MITF: variants seen among roughly 807,000 people sequenced by gnomAD.
MITF encodes the protein melanocyte inducing transcription factor, also known as microphthalmia-associated transcription factor.
Under a neutral mutation model 60.5 loss-of-function variants are expected in MITF, and 17 were observed. That is an observed-to-expected ratio of 0.28 (90% CI 0.19 to 0.42). The LOEUF is 0.42. Among genes scored for constraint, MITF ranks in the 10% least tolerant of loss-of-function variants. The probability of loss-of-function intolerance (pLI) is 1.00; values close to 1 mark genes in which losing one functional copy is unlikely to be tolerated. For synonymous variants in MITF, 260 were observed against 248.5 expected, an observed-to-expected ratio of 1.05 and a Z score of -0.43; for missense variants, 622 against 683.5, an observed-to-expected ratio of 0.91 and a Z score of 1.00.
intron 1 of MITF, among the ~76,000 whole-genome samples, chr3:69,766,435 C>T (rs1282045384): frequency 7.0e-6 from 1 of 143,636 alleles, no homozygotes; most frequent in Non-Finnish European, 1.5e-5. Flanking sequence ...CCATGTTGGC[C>T]AGGCTGGTCT....
intron 2 of MITF, among the ~76,000 whole-genome samples, chr3:69,933,960 C>A (rs1396448045): frequency 1.3e-5 from 2 of 152,094 alleles, no homozygotes; most frequent in African/African-American, 2.4e-5. Context: ...TGTCAAAGGG[C>A]TATAGAGCCT....
At chr3:69,767,795 T>C (rs2062323969) in intron 1 of MITF, among the ~76,000 whole-genome samples, 2 of 151,970 alleles carry the variant, frequency 1.3e-5, no homozygotes, top group Admixed American at 1.3e-4. Flanking sequence ...AAGAATGGGT[T>C]GGAGGGTGGC....
intron 1 of MITF, among the ~76,000 whole-genome samples, chr3:69,749,168 T>C (rs532915804): frequency 6.6e-6 from 1 of 152,316 alleles, no homozygotes; most frequent in African/African-American, 2.4e-5. Flanking sequence ...GAGAACCTCA[T>C]TGAGATGTAG....
At chr3:69,769,679 C>T (rs1202430886) in intron 1 of MITF, 1 of 152,232 alleles carries the variant, frequency 6.6e-6, no homozygotes, top group Non-Finnish European at 1.5e-5. Context: ...CTCACCAGAT[C>T]AGCAAAGTGC....
At chr3:69,960,565 G>A (rs2066516413) in intron 9 of MITF, among the ~76,000 whole-genome samples, 1 of 152,142 alleles carries the variant, frequency 6.6e-6, no homozygotes, top group African/African-American at 2.4e-5. Context: ...ATTTTAATTT[G>A]CTGACTTTGA....
chr3:69,753,493 C>G (rs1336088094), intron 1 of MITF, among the ~76,000 whole-genome samples: 1 of 152,212 alleles, frequency 6.6e-6, no homozygotes, highest in East Asian at 1.9e-4. Flanking sequence ...TGCCATCCTC[C>G]AGACCCCAGA....
chr3:69,760,029 T>C (rs2062188919), intron 1 of MITF, among the ~76,000 whole-genome samples: 1 of 152,162 alleles, frequency 6.6e-6, no homozygotes, highest in African/African-American at 2.4e-5. Context: ...CCACCCGCCT[T>C]GGCATCACAA....
chr3:69,929,498 C>T (rs908020738), intron 2 of MITF, among the ~76,000 whole-genome samples: 14 of 152,096 alleles, frequency 9.2e-5, no homozygotes, highest in African/African-American at 3.4e-4. Flanking sequence ...GATTCTGATT[C>T]ATTAGCTCTG....
rs150314710 is a variant in MITF at position 69,966,398 on chromosome 3, T to C, written c.*1150T>C. The C allele has an allele frequency of 0.015, 3,427 of 232,806 alleles. 36 individuals are homozygous for C. The highest frequency in any genetic ancestry group is 0.037 in the Middle Eastern group (29 of 780). The allele number at this position is 232,806 out of a possible 1,614,324, so 14.4% of individuals were successfully genotyped here. ...TCACTCAGAACTGTTTTTGGACACA[T>C]TTAAGGTGTAGTATTAATAGGTTAA... is the stretch of plus-strand genomic sequence containing the variant. On this transcript the variant is annotated 3_prime_UTR_variant, in exon 10 of 10. Transcript: ENST00000352241.
At chr3:69,844,033 G>T (rs1179054078) in intron 1 of MITF, among the ~76,000 whole-genome samples, 1 of 152,102 alleles carries the variant, frequency 6.6e-6, no homozygotes, top group East Asian at 1.9e-4. Flanking sequence ...TGAGAATTAT[G>T]GTTTCCAGCT....
intron 2 of MITF, among the ~76,000 whole-genome samples, chr3:69,933,925 ATTATAT>A (rs1254317891): frequency 6.6e-6 from 1 of 152,216 alleles, no homozygotes; most frequent in Non-Finnish European, 1.5e-5. Context: ...AAGACAGAAA[ATTATAT>A]TTATATGGCT....
At chr3:69,833,173 C>A (rs2063479872) in intron 1 of MITF, among the ~76,000 whole-genome samples, 1 of 151,130 alleles carries the variant, frequency 6.6e-6, no homozygotes, top group African/African-American at 2.4e-5. Context: ...GGTTATTTTT[C>A]TATTTACATT....
At chr3:69,836,960 T>A (rs746065508) in intron 1 of MITF, among the ~76,000 whole-genome samples, 7 of 152,222 alleles carry the variant, frequency 4.6e-5, no homozygotes, top group Non-Finnish European at 8.8e-5. Context: ...ATATTGATGT[T>A]GCCCTCACTG....
chr3:69,935,212 G>T (rs9827888), intron 2 of MITF, among the ~76,000 whole-genome samples: 9,067 of 152,124 alleles, frequency 0.06, 680 homozygotes, highest in African/African-American at 0.17. Flanking sequence ...TTCAACTTAC[G>T]TGAAAAATAA....
chr3:69,891,515 A>G (rs2064758972), intron 2 of MITF, among the ~76,000 whole-genome samples: 1 of 152,212 alleles, frequency 6.6e-6, no homozygotes, highest in Non-Finnish European at 1.5e-5. Flanking sequence ...CTACTGAACC[A>G]GAAACTCTGT....
chr3:69,796,728 G>A (rs1037158395), intron 1 of MITF, among the ~76,000 whole-genome samples: 1 of 149,738 alleles, frequency 6.7e-6, no homozygotes, highest in Non-Finnish European at 1.5e-5. Flanking sequence ...GGATGGTCTC[G>A]ATCTCCTGAC....
chr3:69,773,313 G>A (rs2062421899), intron 1 of MITF, among the ~76,000 whole-genome samples: 1 of 152,178 alleles, frequency 6.6e-6, no homozygotes, highest in African/African-American at 2.4e-5. Context: ...GGCAGACACT[G>A]TAAGGGTTTG....
intron 1 of MITF, among the ~76,000 whole-genome samples, chr3:69,832,411 A>G (rs1002033919): frequency 3.3e-5 from 5 of 152,196 alleles, no homozygotes; most frequent in Non-Finnish European, 5.9e-5. Flanking sequence ...AACATCTACT[A>G]TGTGTTAGAC....
chr3:69,855,473 A>G (rs1288356887), intron 1 of MITF, among the ~76,000 whole-genome samples: 3 of 152,146 alleles, frequency 2.0e-5, no homozygotes, highest in East Asian at 1.9e-4. Context: ...CTAAAATGAT[A>G]GGGCCTTTTG....
Sources: allele counts gnomAD v4.1 joint callset (sites outside exome capture counted in the v4.1 genomes callset), GRCh38; gene constraint gnomAD v4.1.1; transcripts MANE v1.5; gene names NCBI Gene and HGNC (gene_info 2026-07-23, HGNC 2026-07-21).